Variants in OR10G8 observed in about 807,000 individuals in gnomAD.
OR10G8 encodes the protein olfactory receptor 10G8.
For missense variants in OR10G8, 386 were observed against 384.9 expected, an observed-to-expected ratio of 1.00 and a Z score of -0.02; for synonymous variants, 173 against 163.2, an observed-to-expected ratio of 1.06 and a Z score of -0.46.
In OR10G8 at chr11:124,030,594, A is replaced by G; in HGVS notation, c.*36A>G. 5 of 1,493,384 alleles carry G rather than the reference A, an allele frequency of 3.3e-6. No homozygotes were observed. The South Asian group carries it at 6.8e-5, about 20-fold the overall frequency. The allele number at this position is 1,493,384 out of a possible 1,614,324, so 92.5% of individuals were successfully genotyped here. ...AGATTACATATCTTAGCTCTTGTGA[A>G]TAGTGCTGTGAAAAACATACAGGGG... On this transcript the variant is annotated 3_prime_UTR_variant, in exon 2 of 2. Transcript: ENST00000641224.
intron 1 of OR10G8, among the ~76,000 whole-genome samples, chr11:124,027,925 A>G (rs1202499301): frequency 6.6e-6 from 1 of 152,146 alleles, no homozygotes; most frequent in African/African-American, 2.4e-5. Context: ...CCTGATTTCC[A>G]TTATACAGAA....
At position 124,029,821 on chromosome 11, in the gene OR10G8, A is replaced by G. The variant is rs762806981; in HGVS notation, c.199A>G (p.Ile67Val). The G allele has an allele frequency of 1.1e-5, 18 of 1,614,048 alleles. No homozygotes were observed. In the African/African-American group the frequency reaches 2.3e-4, roughly 20 times the overall value. The change falls in exon 2 of 2, where the codon ATT becomes GTT. Residue 67 changes from isoleucine to valine, a missense_variant. Physicochemically the swap from Ile to Val is conservative, Grantham distance 29. Coordinates refer to ENST00000641224, the MANE Select transcript of OR10G8 (RefSeq NM_001004464.2). ...MYYFLTNLSFIDMWFSTVTVP... is the reference protein window; with the variant it reads ...MYYFLTNLSFVDMWFSTVTVP... ...CTACTTCCTCACCAACCTGTCGTTC[A>G]TTGACATGTGGTTCTCCACTGTCAC...
chr11:124,027,309 T>A (rs1377207548), intron 1 of OR10G8, among the ~76,000 whole-genome samples: 3 of 152,204 alleles, frequency 2.0e-5, no homozygotes. Context: ...ATTTAACTTA[T>A]TTTCTCCTGC....
rs75994039 is a variant in OR10G8, at chr11:124,029,987, A to G, written c.365A>G (p.Tyr122Cys). Residue 122 changes from tyrosine to cysteine, a missense_variant, in exon 2 of 2, where the codon TAC becomes TGC. Tyr to Cys is a radical substitution (Grantham distance 194, BLOSUM62 -2). Transcript: ENST00000641224. ...FLYRVMSCDR[Y>C]LAISYPLRYT... Reference sequence around the variant, plus strand: ...TACAGGGTCATGTCCTGTGATCGCTACCTGGCCATCAGTTACCCGCTCAGG... The same window carrying G: ...TACAGGGTCATGTCCTGTGATCGCTGCCTGGCCATCAGTTACCCGCTCAGG... 29,209 of 1,613,808 alleles carry G rather than the reference A, an allele frequency of 0.018. 1,759 individuals carry two copies. The highest frequency in any genetic ancestry group is 0.17 in the Admixed American group (9,914 of 59,984).
In OR10G8 at chr11:124,029,993, C is replaced by A. The variant is rs1222738229; in HGVS notation, c.371C>A (p.Ala124Asp). Residue 124 changes from alanine to aspartate, a missense_variant, in exon 2 of 2, where the codon GCC becomes GAC. Coordinates refer to ENST00000641224, the MANE Select transcript of OR10G8 (RefSeq NM_001004464.2). ...GTCATGTCCTGTGATCGCTACCTGGCCATCAGTTACCCGCTCAGGTACACC... is the reference window on the plus strand; with the variant it reads ...GTCATGTCCTGTGATCGCTACCTGGACATCAGTTACCCGCTCAGGTACACC... The part of the protein sequence containing the change: ...YRVMSCDRYL[A>D]ISYPLRYTSM... The A allele has an allele frequency of 6.2e-7, 1 of 1,614,000 alleles. No homozygotes were observed. Among genetic ancestry groups the A allele is most frequent in the Non-Finnish European group, 8.5e-7 (1 of 1,180,030 alleles).
Position 124,029,777 on chromosome 11 carries a change from A to T in OR10G8, c.155A>T (p.His52Leu). ...CTGCTGGTGATCAGGGTGGATTCTC[A>T]CCTCCACACCACCATGTACTACTTC... is the stretch of plus-strand genomic sequence containing the variant. ...LILLVIRVDSHLHTTMYYFLT... is the reference protein window; with the variant it reads ...LILLVIRVDSLLHTTMYYFLT... The change falls in exon 2 of 2, where the codon CAC becomes CTC. Residue 52 changes from histidine to leucine, a missense_variant. Physicochemically the swap from His to Leu is moderately conservative, Grantham distance 99. Coordinates refer to ENST00000641224, the MANE Select transcript of OR10G8 (RefSeq NM_001004464.2). The T allele has an allele frequency of 6.2e-7, 1 of 1,613,720 alleles. No homozygotes were observed. Among genetic ancestry groups the T allele is most frequent in the Non-Finnish European group, 8.5e-7 (1 of 1,179,916 alleles).
chr11:124,027,155 C>T (rs1406222224), intron 1 of OR10G8, among the ~76,000 whole-genome samples: 2 of 152,192 alleles, frequency 1.3e-5, no homozygotes, highest in Non-Finnish European at 2.9e-5. Context: ...TCTTTCTTAA[C>T]ACTGTATCTG....
chr11:124,030,213 C>A lies in OR10G8; in HGVS notation c.591C>A (p.Val197=), dbSNP rs1469704639. 6.2e-7 allele frequency: 1 copy of A among 1,614,178 alleles called. No homozygotes were observed. Among genetic ancestry groups the A allele is most frequent in the South Asian group, 1.1e-5 (1 of 91,076 alleles). The stretch of plus-strand genomic sequence containing the variant: ...CAGACACCTCAGCCATAGAGACTGT[C>A]ATTTTTGTGACTGTTGGAATAGTGG... The part of the protein sequence containing the change: ...ACADTSAIET[V]IFVTVGIVAS... The change falls in exon 2 of 2, where the codon GTC becomes GTA. Residue 197 remains valine (V), a synonymous_variant. Coordinates refer to ENST00000641224, the MANE Select transcript of OR10G8 (RefSeq NM_001004464.2).
In OR10G8 at chr11:124,030,044, C is replaced by T. The variant is rs866077994; in HGVS notation, c.422C>T (p.Thr141Ile). 6.2e-7 allele frequency: 1 copy of T among 1,613,986 alleles called. No homozygotes were observed. The highest frequency in any genetic ancestry group is 1.3e-5 in the African/African-American group (1 of 74,900). ...YTSMMTGRSC[T>I]LLATSTWLSG... ...AGCATGATGACTGGGCGCTCGTGTACTCTTCTGGCCACCAGCACTTGGCTC... is the reference window on the plus strand; with the variant it reads ...AGCATGATGACTGGGCGCTCGTGTATTCTTCTGGCCACCAGCACTTGGCTC... The change falls in exon 2 of 2, where the codon ACT becomes ATT. Residue 141 changes from threonine to isoleucine, a missense_variant. Coordinates refer to ENST00000641224, the MANE Select transcript of OR10G8 (RefSeq NM_001004464.2).
In OR10G8 at chr11:124,029,994, C is replaced by T. The variant is rs1266247962; in HGVS notation, c.372C>T (p.Ala124=). 6.2e-7 allele frequency: 1 copy of T among 1,614,126 alleles called. No homozygotes were observed. The highest frequency in any genetic ancestry group is 8.5e-7 in the Non-Finnish European group (1 of 1,180,024). ...TCATGTCCTGTGATCGCTACCTGGCCATCAGTTACCCGCTCAGGTACACCA... is the reference window on the plus strand; with the variant it reads ...TCATGTCCTGTGATCGCTACCTGGCTATCAGTTACCCGCTCAGGTACACCA... ...YRVMSCDRYL[A]ISYPLRYTSM... The change falls in exon 2 of 2, where the codon GCC becomes GCT. Residue 124 remains alanine (A), a synonymous_variant. Transcript: ENST00000641224.
At position 124,030,268 on chromosome 11, in the gene OR10G8, T is replaced by C; in HGVS notation, c.646T>C (p.Ser216Pro). The C allele has an allele frequency of 6.2e-7, 1 of 1,614,238 alleles. No homozygotes were observed. Among genetic ancestry groups the C allele is most frequent in the Non-Finnish European group, 8.5e-7 (1 of 1,180,044 alleles). The change falls in exon 2 of 2, where the codon TCC (serine) becomes CCC (proline). Residue 216 changes from serine (S) to proline (P), a missense_variant. Physicochemically the swap from Ser to Pro is moderately conservative, Grantham distance 74 (BLOSUM62 -1). Coordinates refer to ENST00000641224, the MANE Select transcript of OR10G8 (RefSeq NM_001004464.2). ...ASGCFVLIVL[S>P]YVSIVCSILR... Reference sequence around the variant, plus strand: ...GGGCTGCTTTGTCCTGATAGTGCTGTCCTATGTGTCCATCGTCTGTTCCAT... The same window carrying C: ...GGGCTGCTTTGTCCTGATAGTGCTGCCCTATGTGTCCATCGTCTGTTCCAT...
chr11:124,030,285 C>T lies in OR10G8; in HGVS notation c.663C>T (p.Val221=). The T allele has an allele frequency of 6.2e-7, 1 of 1,614,232 alleles. No individual in the cohort carries two copies. Among genetic ancestry groups the T allele is most frequent in the South Asian group, 1.1e-5 (1 of 91,084 alleles). ...VLIVLSYVSI[V]CSILRIRTSE... is the part of the protein sequence containing the mutation. ...TAGTGCTGTCCTATGTGTCCATCGT[C>T]TGTTCCATCCTGCGGATCCGCACCT... Residue 221 remains valine, a synonymous_variant, in exon 2 of 2, where the codon GTC becomes GTT. Transcript: ENST00000641224.
At chr11:124,028,225 A>G (rs565307289) in intron 1 of OR10G8, among the ~76,000 whole-genome samples, 6 of 152,326 alleles carry the variant, frequency 3.9e-5, no homozygotes, top group African/African-American at 1.4e-4. Context: ...GAGAGCACAT[A>G]TGAATGCCAT....
chr11:124,029,490 A>T, intron 1 of OR10G8, 106 bp from the exon 2 acceptor site: 1 of 1,055,090 alleles, frequency 9.5e-7, no homozygotes, highest in Non-Finnish European at 1.4e-6. Context: ...AGCAAAGTCC[A>T]CAATAACTCC....
Position 124,029,656 on chromosome 11 carries a change from C to G in OR10G8, c.34C>G (p.Leu12Val). Residue 12 changes from leucine to valine, a missense_variant, in exon 2 of 2, where the codon CTC (leucine) becomes GTC (valine). Physicochemically the swap from Leu to Val is conservative, Grantham distance 32. Transcript: ENST00000641224. Reference protein sequence around the residue: ...SNASLLTAFILMGLPHAPALD... With the variant: ...SNASLLTAFIVMGLPHAPALD... The stretch of plus-strand genomic sequence containing the variant: ...CGCCAGCCTACTGACAGCGTTCATC[C>G]TCATGGGCCTTCCCCATGCCCCAGC... 1 of 1,613,932 alleles carries G rather than the reference C, an allele frequency of 6.2e-7. No homozygotes were observed.
At chr11:124,029,521 T>C (rs1008883698) in intron 1 of OR10G8, 75 bp from the exon 2 acceptor site, 25 of 1,300,548 alleles carry the variant, frequency 1.9e-5, no homozygotes, top group African/African-American at 1.3e-4. Flanking sequence ...ACCTGCTTGA[T>C]GCAGTTTCCA....
Position 124,030,458 on chromosome 11 carries a change from C to A in OR10G8, c.836C>A (p.Thr279Lys), listed in dbSNP as rs187776113. 8 of 1,614,202 alleles carry A rather than the reference C, an allele frequency of 5.0e-6. No individual in the cohort carries two copies. The East Asian group carries it at 6.7e-5, about 13-fold the overall frequency. Residue 279 changes from threonine to lysine, a missense_variant, in exon 2 of 2, where the codon ACG becomes AAG. Coordinates refer to ENST00000641224, the MANE Select transcript of OR10G8 (RefSeq NM_001004464.2). ...GTGGCCGTTTTCTACACTGTGCTGACGCCCCTTCTCAACCCTGTTGTGTAC... is the reference window on the plus strand; with the variant it reads ...GTGGCCGTTTTCTACACTGTGCTGAAGCCCCTTCTCAACCCTGTTGTGTAC... Reference protein sequence around the residue: ...GVVAVFYTVLTPLLNPVVYTL... With the variant: ...GVVAVFYTVLKPLLNPVVYTL...
rs369219549 is a variant in OR10G8 at position 124,030,625 on chromosome 11, A to T, written c.*67A>T. 6.3e-6 allele frequency: 8 copies of T among 1,267,336 alleles called. No individual in the cohort carries two copies. Among genetic ancestry groups the T allele is most frequent in the Non-Finnish European group, 8.7e-6 (8 of 915,930 alleles). 78.5% of individuals were successfully genotyped at this position (1,267,336 alleles called of 1,614,324 possible). On this transcript the variant is annotated 3_prime_UTR_variant, in exon 2 of 2. Coordinates refer to ENST00000641224, the MANE Select transcript of OR10G8 (RefSeq NM_001004464.2). ...CTGTGAAAAACATACAGGGGCAGGT[A>T]TCTTTTGGATGTAATGAATTCTTTT...
At chr11:124,027,303 A>G (rs61054552) in intron 1 of OR10G8, among the ~76,000 whole-genome samples, 2,494 of 152,330 alleles carry the variant, frequency 0.016, 73 homozygotes, top group African/African-American at 0.056. Context: ...ATGTAGATTT[A>G]ACTTATTTTC....
Sources: allele counts gnomAD v4.1 joint callset (sites outside exome capture counted in the v4.1 genomes callset), GRCh38; gene constraint gnomAD v4.1.1; transcripts MANE v1.5; gene names NCBI Gene and HGNC (gene_info 2026-07-23, HGNC 2026-07-21).